Variants in THSD1 observed in about 807,000 individuals in gnomAD.
THSD1 encodes thrombospondin type-1 domain-containing protein 1.
A neutral mutation model predicts 46.3 loss-of-function variants in THSD1; 34 were observed. The observed-to-expected ratio is 0.74, with a 90% CI of 0.56 to 0.98. The LOEUF (loss-of-function observed/expected upper bound fraction) is 0.98. THSD1 is among the 50% of genes least tolerant of loss of function. The pLI is 0.00. For missense variants in THSD1, 1,023 were observed against 1,058.3 expected, an observed-to-expected ratio of 0.97 and a Z score of 0.46; for synonymous variants, 407 against 416.5, an observed-to-expected ratio of 0.98 and a Z score of 0.28.
chr13:52,397,141 G>T, intron 3 of THSD1, 91 bp downstream of exon 3: 1 of 1,147,914 alleles, frequency 8.7e-7, no homozygotes, highest in Non-Finnish European at 1.2e-6. Flanking sequence ...AAAAATGATG[G>T]TACAATTCAC....
intron 3 of THSD1, among the ~76,000 whole-genome samples, chr13:52,387,598 T>A (rs1957742502): frequency 6.6e-6 from 1 of 152,042 alleles, no homozygotes; most frequent in African/African-American, 2.4e-5. Context: ...ACAAGATGCA[T>A]AAACAGATGG....
chr13:52,386,109 A>T lies in THSD1; in HGVS notation c.1099T>A (p.Cys367Ser). 1.2e-6 allele frequency: 2 copies of T among 1,614,108 alleles called. No homozygotes were observed. Among genetic ancestry groups the T allele is most frequent in the Non-Finnish European group, 1.7e-6 (2 of 1,180,022 alleles). ...GDGVRERRRV[C>S]LTSFPSSPVC... The stretch of plus-strand genomic sequence containing the variant: ...GGACTGGAGGGGAAGGAAGTGAGAC[A>T]CACTCGGCGACGCTCTCTGACACCA... Residue 367 changes from cysteine to serine, a missense_variant, in exon 4 of 5, where the codon TGT becomes AGT. Transcript: ENST00000258613.
chr13:52,388,418 T>C lies in THSD1; in HGVS notation c.1022-2232A>G, dbSNP rs552241744. Among the ~76,000 whole-genome samples, 14 of 152,320 alleles carry C rather than the reference T, an allele frequency of 9.2e-5. No individual in the cohort carries two copies. The South Asian group carries it at 1.9e-3, about 20-fold the overall frequency. On this transcript the variant is annotated intron_variant, in intron 3 of 4. Coordinates refer to ENST00000258613, the MANE Select transcript of THSD1 (RefSeq NM_018676.4). Reference sequence around the variant, plus strand: ...ATAAAGGTAAAAATCATTTTTCTCATTTTTAAATGCTCTAAAATATCACTG... The same window carrying C: ...ATAAAGGTAAAAATCATTTTTCTCACTTTTAAATGCTCTAAAATATCACTG...
chr13:52,383,234 A>T (rs995933387), intron 4 of THSD1, among the ~76,000 whole-genome samples: 2 of 152,196 alleles, frequency 1.3e-5, no homozygotes, highest in African/African-American at 4.8e-5. Context: ...CATAGTGCTC[A>T]TAAACACTAG....
Position 52,397,688 on chromosome 13 carries a change from T to C in THSD1, c.565A>G (p.Arg189Gly). 1 of 1,614,254 alleles carries C rather than the reference T, an allele frequency of 6.2e-7. No individual in the cohort carries two copies. Among genetic ancestry groups the C allele is most frequent in the Non-Finnish European group, 8.5e-7 (1 of 1,180,052 alleles). The part of the protein sequence containing the change: ...RRNSRQPLEI[R>G]TSKRTELAQG... ...GCAAGTTCTGTCCTTTTGCTGGTTC[T>C]TATTTCCAGCGGCTGTCTTGAATTT... Residue 189 changes from arginine (R) to glycine (G), a missense_variant, in exon 3 of 5, where the codon AGA (arginine) becomes GGA (glycine). Coordinates refer to ENST00000258613, the MANE Select transcript of THSD1 (RefSeq NM_018676.4).
intron 3 of THSD1, 60 bp from the exon 4 acceptor site, chr13:52,386,246 CA>C (rs1957729927): frequency 4.6e-6 from 7 of 1,530,986 alleles, no homozygotes; most frequent in Non-Finnish European, 6.2e-6. Context: ...TATTTAACTG[CA>C]CCCAAATGAA....
rs1957867456 is a variant in THSD1, at chr13:52,402,027, CTT to C, written c.58+514_58+515del. Among the ~76,000 whole-genome samples the C allele has an allele frequency of 6.6e-5, 10 of 152,278 alleles. No homozygotes were observed. In the South Asian group the frequency reaches 2.1e-3, roughly 32 times the overall value. The stretch of plus-strand genomic sequence containing the variant: ...TTGCTCATTCAGGGTGTTTTGCACT[CTT>C]GATATTATCATAACAACCCTGTAAA... On this transcript the variant is annotated intron_variant, in intron 2 of 4. Transcript: ENST00000258613.
At chr13:52,402,499 GT>G in intron 2 of THSD1, 43 bp downstream of exon 2, 1 of 1,573,548 alleles carries the variant, frequency 6.4e-7, no homozygotes, top group Middle Eastern at 1.7e-4. Context: ...TCATCTTTAT[GT>G]CTTATTGCTA....
intron 3 of THSD1, among the ~76,000 whole-genome samples, chr13:52,387,266 G>A (rs1210312491): frequency 6.6e-6 from 1 of 152,146 alleles, no homozygotes; most frequent in Admixed American, 6.6e-5. Flanking sequence ...AGCACTGAGG[G>A]TAGCCATAAC....
rs1189013694 is a variant in THSD1, at chr13:52,391,049, G to A, written c.1022-4863C>T. On this transcript the variant is annotated intron_variant, in intron 3 of 4. Transcript: ENST00000258613. ...ACCTGAGAATGCATCTGCCCTACAC[G>A]TTTTCTTTATGTTTTGTAGTGCTTT... is the stretch of plus-strand genomic sequence containing the variant. Among the ~76,000 whole-genome samples the A allele has an allele frequency of 3.3e-5, 5 of 152,012 alleles. No individual in the cohort carries two copies. The South Asian group carries it at 8.3e-4, about 25-fold the overall frequency.
intron 4 of THSD1, among the ~76,000 whole-genome samples, chr13:52,379,926 C>T (rs1279598650): frequency 1.3e-5 from 2 of 152,158 alleles, no homozygotes; most frequent in African/African-American, 4.8e-5. Flanking sequence ...ATATGTACAT[C>T]TTAAGGGAAA....
chr13:52,402,460 G>A, intron 2 of THSD1, 83 bp downstream of exon 2: 1 of 1,366,980 alleles, frequency 7.3e-7, no homozygotes, highest in Non-Finnish European at 1.0e-6. Flanking sequence ...CCTTCAGGAA[G>A]AGTCATCAAC....
intron 3 of THSD1, among the ~76,000 whole-genome samples, chr13:52,394,545 T>G (rs1405499418): frequency 1.3e-5 from 2 of 148,604 alleles, no homozygotes; most frequent in Admixed American, 1.4e-4. Context: ...ACCTGGGAGG[T>G]GGAGTTTGCA....
rs1957825976 is a variant in THSD1 at position 52,398,104 on chromosome 13, T to A, written c.149A>T (p.Asp50Val). The change falls in exon 3 of 5, where the codon GAT becomes GTT. Residue 50 changes from aspartate (D) to valine (V), a missense_variant. By Grantham distance (152) the Asp-to-Val change is radical. Coordinates refer to ENST00000258613, the MANE Select transcript of THSD1 (RefSeq NM_018676.4). Reference sequence around the variant, plus strand: ...ATTCCTCAGTGTCCCATTAGCACCATCAAAATACTGGAAATCCACATACAC... The same window carrying A: ...ATTCCTCAGTGTCCCATTAGCACCAACAAAATACTGGAAATCCACATACAC... ...DTVYVDFQYF[D>V]GANGTLRNVS... 1 of 1,614,188 alleles carries A rather than the reference T, an allele frequency of 6.2e-7. No homozygotes were observed.
intron 3 of THSD1, among the ~76,000 whole-genome samples, chr13:52,389,183 G>C (rs2137734168): frequency 6.6e-6 from 1 of 152,092 alleles, no homozygotes; most frequent in African/African-American, 2.4e-5. Context: ...GACTGGTCTT[G>C]AACTCCTGAT....
At chr13:52,403,787 A>G (rs1957883870) in intron 1 of THSD1, among the ~76,000 whole-genome samples, 1 of 150,630 alleles carries the variant, frequency 6.6e-6, no homozygotes, top group African/African-American at 2.4e-5. Flanking sequence ...TGGAAAAGGC[A>G]CTTATTTTTA....
chr13:52,389,841 C>G (rs1957759972), intron 3 of THSD1, among the ~76,000 whole-genome samples: 1 of 151,774 alleles, frequency 6.6e-6, no homozygotes, highest in Non-Finnish European at 1.5e-5. Context: ...AGTAATTTCC[C>G]TATAAATAAT....
intron 3 of THSD1, among the ~76,000 whole-genome samples, chr13:52,390,863 T>A (rs1957767983): frequency 6.6e-6 from 1 of 152,120 alleles, no homozygotes; most frequent in African/African-American, 2.4e-5. Context: ...GTGCATAAAG[T>A]CATTTGTCAA....
chr13:52,397,406 C>T lies in THSD1; in HGVS notation c.847G>A (p.Gly283Arg). 1 of 1,614,106 alleles carries T rather than the reference C, an allele frequency of 6.2e-7. No homozygotes were observed. The highest frequency in any genetic ancestry group is 8.5e-7 in the Non-Finnish European group (1 of 1,180,008). The change falls in exon 3 of 5, where the codon GGG (glycine) becomes AGG (arginine). Residue 283 changes from glycine to arginine, a missense_variant. Physicochemically the swap from Gly to Arg is moderately radical, Grantham distance 125. Coordinates refer to ENST00000258613, the MANE Select transcript of THSD1 (RefSeq NM_018676.4). Reference protein sequence around the residue: ...TVFKEAPRYPGKRTIHLAENS... With the variant: ...TVFKEAPRYPRKRTIHLAENS... ...TCAGCCAAGTGAATGGTCCTCTTCC[C>T]AGGGTATCTGGGGGCCTCCTTGAAG...
Sources: allele counts gnomAD v4.1 joint callset (sites outside exome capture counted in the v4.1 genomes callset), GRCh38; gene constraint gnomAD v4.1.1; transcripts MANE v1.5; gene names NCBI Gene and HGNC (gene_info 2026-07-23, HGNC 2026-07-21).